The following PPM1L variants were observed in gnomAD, a reference collection of about 807,000 sequenced individuals.
The protein encoded by PPM1L is protein phosphatase, Mg2+/Mn2+ dependent 1L.
A neutral mutation model predicts 31.4 loss-of-function variants in PPM1L; 13 were observed. The observed-to-expected ratio is 0.41, with a 90% CI of 0.27 to 0.66. The LOEUF is 0.66. PPM1L is among the 30% of genes least tolerant of loss of function. The probability of loss-of-function intolerance (pLI) is 0.29; values close to 1 mark genes in which losing one functional copy is unlikely to be tolerated. For missense variants in PPM1L, 326 were observed against 453.7 expected (o/e 0.72, Z 2.56); for synonymous variants, 184 against 175.4 (o/e 1.05, Z -0.39).
At chr3:160,911,736 G>A (rs191613369) in intron 1 of PPM1L, among the ~76,000 whole-genome samples, 61 of 152,284 alleles carry the variant, frequency 4.0e-4, no homozygotes, top group African/African-American at 1.5e-3. Flanking sequence ...TTTCACATAT[G>A]GGAGTAGGCA....
intron 2 of PPM1L, among the ~76,000 whole-genome samples, chr3:161,016,964 A>G (rs1472319460): frequency 6.6e-6 from 1 of 152,238 alleles, no homozygotes; most frequent in Non-Finnish European, 1.5e-5. Context: ...TGAACAAAAC[A>G]TAATGCACTT....
chr3:160,863,340 C>T (rs1434703292), intron 1 of PPM1L, among the ~76,000 whole-genome samples: 1 of 152,120 alleles, frequency 6.6e-6, no homozygotes, highest in East Asian at 1.9e-4. Flanking sequence ...TTTTTCAGCC[C>T]CTGGGGTACT....
intron 1 of PPM1L, among the ~76,000 whole-genome samples, chr3:160,892,894 A>G (rs1235835480): frequency 6.6e-6 from 1 of 152,154 alleles, no homozygotes; most frequent in Non-Finnish European, 1.5e-5. Context: ...GATAATAAAA[A>G]TTATTATTCT....
At chr3:160,852,363 A>T (rs536497895) in intron 1 of PPM1L, among the ~76,000 whole-genome samples, 1 of 152,348 alleles carries the variant, frequency 6.6e-6, no homozygotes, top group Admixed American at 6.5e-5. Context: ...GAAAATATTT[A>T]TTCATTAAAA....
intron 1 of PPM1L, among the ~76,000 whole-genome samples, chr3:160,797,669 C>T (rs1272918784): frequency 2.6e-5 from 4 of 152,314 alleles, no homozygotes; most frequent in Middle Eastern, 3.4e-3. Context: ...GAAAGTAAGA[C>T]AGCCTTCTTG....
intron 1 of PPM1L, among the ~76,000 whole-genome samples, chr3:160,871,069 T>G (rs931092244): frequency 6.6e-6 from 1 of 152,210 alleles, no homozygotes; most frequent in Non-Finnish European, 1.5e-5. Context: ...AATCCAAGGA[T>G]CTATTCTGGG....
chr3:160,780,567 T>C (rs1473968474), intron 1 of PPM1L, among the ~76,000 whole-genome samples: 1 of 152,222 alleles, frequency 6.6e-6, no homozygotes, highest in Non-Finnish European at 1.5e-5. Flanking sequence ...AAATAGCTAT[T>C]ACTCTAGTTC....
At chr3:160,823,963 T>TCCTG (rs1713280089) in intron 1 of PPM1L, among the ~76,000 whole-genome samples, 1 of 152,170 alleles carries the variant, frequency 6.6e-6, no homozygotes, top group African/African-American at 2.4e-5. Context: ...CGGGAAGGAC[T>TCCTG]CCTGCTTTTA....
At chr3:160,832,318 G>A (rs1037093894) in intron 1 of PPM1L, among the ~76,000 whole-genome samples, 1 of 152,090 alleles carries the variant, frequency 6.6e-6, no homozygotes, top group African/African-American at 2.4e-5. Flanking sequence ...TGGGCCTTGG[G>A]ATATGATGGA....
intron 2 of PPM1L, among the ~76,000 whole-genome samples, chr3:161,013,078 T>G (rs1458012392): frequency 6.6e-6 from 1 of 152,204 alleles, no homozygotes; most frequent in Non-Finnish European, 1.5e-5. Flanking sequence ...TTTGAATGTG[T>G]TTGCTCTTGC....
At chr3:161,042,253 ATCTTT>A (rs1240545665) in intron 2 of PPM1L, among the ~76,000 whole-genome samples, 2 of 152,210 alleles carry the variant, frequency 1.3e-5, no homozygotes, top group Non-Finnish European at 2.9e-5. Context: ...TAGGGAATGC[ATCTTT>A]TGTTTCTGAG....
chr3:160,965,415 TTC>T (rs1205226091), intron 2 of PPM1L, among the ~76,000 whole-genome samples: 1 of 152,066 alleles, frequency 6.6e-6, no homozygotes, highest in Admixed American at 6.6e-5. Flanking sequence ...CATACACCCA[TTC>T]TGTTTTTCAT....
At chr3:161,002,265 C>A (rs1045656177) in intron 2 of PPM1L, among the ~76,000 whole-genome samples, 12 of 152,246 alleles carry the variant, frequency 7.9e-5, no homozygotes, top group Middle Eastern at 6.8e-3. Flanking sequence ...GGTTCCAAGT[C>A]TTTGCTATTG....
chr3:160,819,915 C>T (rs1239270264), intron 1 of PPM1L, among the ~76,000 whole-genome samples: 4 of 151,994 alleles, frequency 2.6e-5, no homozygotes, highest in African/African-American at 4.8e-5. Flanking sequence ...TATTTATATA[C>T]TAATAATGCA....
chr3:160,960,357 A>G (rs1224567810), intron 1 of PPM1L, among the ~76,000 whole-genome samples: 2 of 152,128 alleles, frequency 1.3e-5, no homozygotes, highest in Non-Finnish European at 2.9e-5. Flanking sequence ...TAATTTAGTT[A>G]TGTTGGGAAC....
At chr3:160,808,890 C>T (rs1712724151) in intron 1 of PPM1L, among the ~76,000 whole-genome samples, 1 of 152,202 alleles carries the variant, frequency 6.6e-6, no homozygotes, top group Non-Finnish European at 1.5e-5. Context: ...GGCATTCTAC[C>T]TTCCTGGTCA....
intron 2 of PPM1L, among the ~76,000 whole-genome samples, chr3:161,033,958 A>T (rs1372427036): frequency 6.6e-6 from 1 of 152,244 alleles, no homozygotes; most frequent in Admixed American, 6.5e-5. Context: ...CAAAGGGCTA[A>T]TATCCAGAAT....
intron 2 of PPM1L, among the ~76,000 whole-genome samples, chr3:161,044,787 T>C (rs2108092079): frequency 1.3e-5 from 2 of 152,290 alleles, no homozygotes; most frequent in Admixed American, 1.3e-4. Flanking sequence ...ACCTTAAATG[T>C]AAATGAGCTA....
chr3:160,977,850 T>C (rs1716650826), intron 2 of PPM1L, among the ~76,000 whole-genome samples: 1 of 152,206 alleles, frequency 6.6e-6, no homozygotes. Flanking sequence ...TCTCACTGTT[T>C]TAATAGATAA....
Sources: gnomAD v4.1 joint callset for allele counts (sites outside exome capture counted in the v4.1 genomes callset) on GRCh38, gnomAD v4.1.1 for gene constraint, MANE v1.5 for transcripts, NCBI Gene and HGNC (gene_info 2026-07-23, HGNC 2026-07-21) for gene names.